The following GOLGA1 variants were observed in gnomAD, a reference collection of about 807,000 sequenced individuals.
The protein encoded by GOLGA1 is golgin A1.
Under a neutral mutation model 119.7 loss-of-function variants are expected in GOLGA1, and 63 were observed. That is an observed-to-expected ratio of 0.53 (90% CI 0.43 to 0.65). The LOEUF (loss-of-function observed/expected upper bound fraction) is 0.65, where lower values mean the gene tolerates loss of function less well. Ranked by LOEUF, GOLGA1 falls within the 30% of genes least tolerant of loss-of-function variation. GOLGA1 has a pLI of 0.00. For synonymous variants in GOLGA1, 318 were observed against 333.4 expected (o/e 0.95, Z 0.50); for missense variants, 798 against 912.8 (o/e 0.87, Z 1.62).
At chr9:124,900,887 AC>A (rs1830089158) in intron 12 of GOLGA1, among the ~76,000 whole-genome samples, 1 of 151,616 alleles carries the variant, frequency 6.6e-6, no homozygotes, top group Non-Finnish European at 1.5e-5. Flanking sequence ...TAATTTACTG[AC>A]CCATTTGCCT....
intron 15 of GOLGA1, among the ~76,000 whole-genome samples, chr9:124,895,112 CAG>C (rs1285812107): frequency 2.0e-5 from 3 of 149,918 alleles, no homozygotes; most frequent in East Asian, 2.0e-4. Flanking sequence ...CCCTCCACAA[CAG>C]AGACTCTCCA....
intron 5 of GOLGA1, among the ~76,000 whole-genome samples, chr9:124,928,494 G>A (rs935388596): frequency 1.3e-5 from 2 of 152,048 alleles, no homozygotes; most frequent in African/African-American, 2.4e-5. Context: ...TTTCCTTATC[G>A]TTTTTGTTTT....
In GOLGA1 at chr9:124,899,335, T is replaced by A. The variant is rs1459852905; in HGVS notation, c.1305A>T (p.Gln435His). 4.5e-6 allele frequency: 7 copies of A among 1,546,906 alleles called. No homozygotes were observed. Among genetic ancestry groups the A allele is most frequent in the Non-Finnish European group, 6.1e-6 (7 of 1,145,114 alleles). Residue 435 changes from glutamine (Q) to histidine (H), a missense_variant, in exon 14 of 23, where the codon CAA (glutamine) becomes CAT (histidine). Gln to His is a conservative substitution (Grantham distance 24). Coordinates refer to ENST00000373555, the MANE Select transcript of GOLGA1 (RefSeq NM_002077.4). ...TRAADQTTAE[Q>H]GMRQLEQENA... ...CTCTTAGCTCTTCACTCACCATCCC[T>A]TGCTCTGCGGTGGTCTGGTCAGCTG...
In GOLGA1 at chr9:124,921,257, C is replaced by A. The variant is rs374945426; in HGVS notation, c.732-17G>T. On this transcript the variant is annotated splice_polypyrimidine_tract_variant and intron_variant, in intron 9 of 22. Coordinates refer to ENST00000373555, the MANE Select transcript of GOLGA1 (RefSeq NM_002077.4). ...ACATGATCTCTTCATCAAAAGAAAG[C>A]AGACAATGAACAAATTTGGATATCT... 636 of 1,476,512 alleles carry A rather than the reference C, an allele frequency of 4.3e-4. 1 individual carries two copies. The highest frequency in any genetic ancestry group is 5.8e-4 in the Non-Finnish European group (610 of 1,055,550). The allele number at this position is 1,476,512 out of a possible 1,614,324, so 91.5% of individuals were successfully genotyped here. A position where few individuals can be genotyped will look rare whatever the true frequency, so the allele number is the denominator to read the frequency against.
At chr9:124,903,651 C>CAAAAAAAAAAA (rs11435294) in intron 12 of GOLGA1, among the ~76,000 whole-genome samples, 2 of 91,280 alleles carry the variant, frequency 2.2e-5, no homozygotes, top group Non-Finnish European at 4.0e-5. Flanking sequence ...AGAAAAAGAC[C>CAAAAAAAAAAA]AAAAAAAAAA....
At chr9:124,921,600 C>T (rs1260670489) in intron 9 of GOLGA1, 123 bp downstream of exon 9, 1 of 800,168 alleles carries the variant, frequency 1.2e-6, no homozygotes, top group Non-Finnish European at 2.1e-6. Context: ...AGGATGTGTC[C>T]AGAAGCCTTT....
intron 12 of GOLGA1, among the ~76,000 whole-genome samples, chr9:124,903,202 T>C (rs970446317): frequency 1.3e-5 from 2 of 151,932 alleles, no homozygotes; most frequent in African/African-American, 4.8e-5. Flanking sequence ...AAAAGCTGGG[T>C]GTGGGTTGGG....
chr9:124,899,401 C>T lies in GOLGA1; in HGVS notation c.1239G>A (p.Gln413=), dbSNP rs1418504232. 1.9e-6 allele frequency: 3 copies of T among 1,548,908 alleles called. No individual in the cohort carries two copies. Among genetic ancestry groups the T allele is most frequent in the African/African-American group, 1.4e-5 (1 of 73,082 alleles). ...GGGCCACTATCTGGGCTTCTAGCGC[C>T]TGGGTGCGCTCCAAGAACTGCTGCT... ...ALEQQFLERT[Q]ALEAQIVALE... The change falls in exon 14 of 23, where the codon CAG becomes CAA. Residue 413 remains glutamine (Q), a synonymous_variant. Transcript: ENST00000373555.
At chr9:124,919,672 T>A (rs1830522432) in intron 10 of GOLGA1, among the ~76,000 whole-genome samples, 1 of 152,176 alleles carries the variant, frequency 6.6e-6, no homozygotes. Flanking sequence ...ACTGTAATTA[T>A]GTTGTAAGGC....
At chr9:124,922,548 CT>C (rs1830591806) in intron 8 of GOLGA1, among the ~76,000 whole-genome samples, 1 of 121,556 alleles carries the variant, frequency 8.2e-6, no homozygotes, top group African/African-American at 3.1e-5. Flanking sequence ...GAGACTCTAT[CT>C]CAAAAAAAAA....
intron 8 of GOLGA1, among the ~76,000 whole-genome samples, chr9:124,922,550 C>CAAAA (rs537417274): frequency 1.6e-4 from 8 of 48,608 alleles, no homozygotes; most frequent in Admixed American, 4.6e-4. Context: ...GACTCTATCT[C>CAAAA]AAAAAAAAAA....
At chr9:124,896,152 G>A (rs947570654) in intron 15 of GOLGA1, among the ~76,000 whole-genome samples, 1 of 152,186 alleles carries the variant, frequency 6.6e-6, no homozygotes, top group Non-Finnish European at 1.5e-5. Context: ...GGTGGCTCAC[G>A]CCTGTAATCC....
At chr9:124,934,291 G>A (rs73666656) in intron 3 of GOLGA1, among the ~76,000 whole-genome samples, 2,427 of 152,224 alleles carry the variant, frequency 0.016, 56 homozygotes, top group African/African-American at 0.055. Context: ...CAATAATAAT[G>A]CAGTACAGCA....
At chr9:124,942,299 C>T (rs1355585741), upstream of GOLGA1, among the ~76,000 whole-genome samples, 1 of 152,160 alleles carries the variant, frequency 6.6e-6, no homozygotes, top group Non-Finnish European at 1.5e-5. Context: ...CAAATCAGTA[C>T]CCTAAGTCAG....
chr9:124,911,471 C>T (rs1435032901), intron 11 of GOLGA1, among the ~76,000 whole-genome samples: 1 of 152,198 alleles, frequency 6.6e-6, no homozygotes, highest in Non-Finnish European at 1.5e-5. Flanking sequence ...GGGGAAGAGG[C>T]CAGTCTGCAC....
chr9:124,891,411 C>T (rs1390236787), intron 15 of GOLGA1, among the ~76,000 whole-genome samples: 1 of 152,198 alleles, frequency 6.6e-6, no homozygotes, highest in Non-Finnish European at 1.5e-5. Context: ...AATAGCAGCA[C>T]TTCAAAATAC....
At chr9:124,919,697 G>A (rs1204685792) in intron 10 of GOLGA1, among the ~76,000 whole-genome samples, 1 of 152,246 alleles carries the variant, frequency 6.6e-6, no homozygotes, top group East Asian at 1.9e-4. Flanking sequence ...TCTCACTTGA[G>A]ATCAGCAATT....
chr9:124,937,044 G>A lies in GOLGA1; in HGVS notation c.135+1533C>T, dbSNP rs535997949. 6.6e-5 allele frequency among the ~76,000 whole-genome samples: 10 copies of A among 152,316 alleles called. No homozygotes were observed. The South Asian group carries it at 2.1e-3, about 32-fold the overall frequency. On this transcript the variant is annotated intron_variant, in intron 3 of 22. Transcript: ENST00000373555. ...GAAGAAACATATAAGTGGCTTAACA[G>A]AATTGATAGTGTTCTATCTCTTCAG...
chr9:124,941,458 C>A (rs1831020938), upstream of GOLGA1, among the ~76,000 whole-genome samples: 1 of 152,210 alleles, frequency 6.6e-6, no homozygotes, highest in African/African-American at 2.4e-5. Flanking sequence ...ACTGCTTGGC[C>A]AGGCGCCCCC....
Sources: allele counts gnomAD v4.1 joint callset (sites outside exome capture counted in the v4.1 genomes callset), GRCh38; gene constraint gnomAD v4.1.1; transcripts MANE v1.5; gene names NCBI Gene and HGNC (gene_info 2026-07-23, HGNC 2026-07-21).